Variants in EIF4G3 observed in about 807,000 individuals in gnomAD.
EIF4G3 encodes eukaryotic translation initiation factor 4 gamma 3, also known as eIF-4-gamma 3.
EIF4G3 carries 34 observed loss-of-function variants against 186.4 expected under a neutral mutation model. The observed-to-expected ratio is 0.18, with a 90% confidence interval of 0.14 to 0.24. EIF4G3 has a LOEUF of 0.24. Among genes scored for constraint, EIF4G3 ranks in the 10% least tolerant of loss-of-function variants. EIF4G3 has a pLI of 1.00. For synonymous variants in EIF4G3, 673 were observed against 679.5 expected (o/e 0.99, Z 0.15); for missense variants, 1,536 against 1,948.5 (o/e 0.79, Z 3.99).
rs71014156 is a variant in EIF4G3, at chr1:21,117,736, T to TAAAAAAAAAAAAAAAAAAAAAAAA, written c.-271-28547_-271-28524dup. 1.5e-3 allele frequency among the ~76,000 whole-genome samples: 109 copies of TAAAAAAAAAAAAAAAAAAAAAAAA among 73,060 alleles called. 1 individual carries two copies. Among genetic ancestry groups the TAAAAAAAAAAAAAAAAAAAAAAAA allele is most frequent in the East Asian group, 3.4e-3 (6 of 1,756 alleles). The allele number at this position is 73,060 out of a possible 152,430, so 47.9% of individuals were successfully genotyped here. A position where few individuals can be genotyped will look rare whatever the true frequency, so the allele number is the denominator to read the frequency against. On this transcript the variant is annotated intron_variant, in intron 2 of 36. Coordinates refer to ENST00000602326, the MANE Select transcript of EIF4G3 (RefSeq NM_001391906.1). ...GGCCTTTCACTGTCCCAGTATATAG[T>TAAAAAAAAAAAAAAAAAAAAAAAA]AAAAAAAAAAAAAAAAAAAAAAAAA...
chr1:20,872,229 C>T (rs181039802), intron 20 of EIF4G3, among the ~76,000 whole-genome samples: 6 of 151,936 alleles, frequency 3.9e-5, no homozygotes, highest in Admixed American at 3.9e-4. Flanking sequence ...CTCAAGTGAT[C>T]CTCTTGCCTC....
intron 10 of EIF4G3, among the ~76,000 whole-genome samples, chr1:20,979,774 T>G (rs1457667493): frequency 6.7e-6 from 1 of 149,982 alleles, no homozygotes; most frequent in Non-Finnish European, 1.5e-5. Flanking sequence ...TTTTTTGAGA[T>G]GGAGTCTCGC....
chr1:20,928,496 G>A (rs1465152315), intron 14 of EIF4G3, among the ~76,000 whole-genome samples: 2 of 151,254 alleles, frequency 1.3e-5, no homozygotes, highest in South Asian at 2.1e-4. Context: ...TCCGCCTTCC[G>A]AGTTCAAGAG....
chr1:20,846,001 C>T (rs2070862720), intron 29 of EIF4G3, among the ~76,000 whole-genome samples: 1 of 152,088 alleles, frequency 6.6e-6, no homozygotes, highest in African/African-American at 2.4e-5. Context: ...TGTAGTTCTC[C>T]TTGTAGTGAT....
In EIF4G3 at chr1:20,854,784, A is replaced by T. The variant is rs886388858; in HGVS notation, c.3433+194T>A. Among the ~76,000 whole-genome samples the T allele has an allele frequency of 5.2e-4, 79 of 152,210 alleles. 1 individual carries two copies. The highest frequency in any genetic ancestry group is 1.5e-3 in the African/African-American group (63 of 41,562). On this transcript the variant is annotated intron_variant, in intron 26 of 36. Transcript: ENST00000602326. Reference sequence around the variant, plus strand: ...TAGTCTAAATGAATGAATTGAAATTAAAAAAATACTTAAAATTATTTAAGG... The same window carrying T: ...TAGTCTAAATGAATGAATTGAAATTTAAAAAATACTTAAAATTATTTAAGG...
At chr1:21,020,523 G>C (rs1212168409) in intron 4 of EIF4G3, among the ~76,000 whole-genome samples, 1 of 151,996 alleles carries the variant, frequency 6.6e-6, no homozygotes, top group Non-Finnish European at 1.5e-5. Flanking sequence ...AATAAATAAA[G>C]AAGAATACCA....
chr1:21,099,520 C>T (rs2096467492), intron 2 of EIF4G3, among the ~76,000 whole-genome samples: 1 of 152,232 alleles, frequency 6.6e-6, no homozygotes. Context: ...ACTCACTGCA[C>T]TCCTGCCTGG....
chr1:20,814,441 A>T (rs553164705), intron 34 of EIF4G3, among the ~76,000 whole-genome samples: 1 of 152,300 alleles, frequency 6.6e-6, no homozygotes, highest in East Asian at 1.9e-4. Context: ...ATGTACTTGT[A>T]CATTTGGAAG....
At chr1:20,920,175 G>C (rs1403251408) in intron 14 of EIF4G3, among the ~76,000 whole-genome samples, 1 of 152,062 alleles carries the variant, frequency 6.6e-6, no homozygotes, top group Non-Finnish European at 1.5e-5. Flanking sequence ...CAAAGTGCTG[G>C]GATTACAGGC....
intron 2 of EIF4G3, among the ~76,000 whole-genome samples, chr1:21,132,034 G>A (rs1911257): frequency 0.94 from 143,536 of 152,154 alleles, 68,256 homozygotes; most frequent in Middle Eastern, 1. Flanking sequence ...AGAATTTTAT[G>A]TGAGGAAAAA....
At position 20,975,712 on chromosome 1, in the gene EIF4G3, T is replaced by C. The variant is rs186546517; in HGVS notation, c.494-2613A>G. Among the ~76,000 whole-genome samples the C allele has an allele frequency of 3.9e-3, 591 of 151,882 alleles. 2 individuals are homozygous for C. The highest frequency in any genetic ancestry group is 6.1e-3 in the Non-Finnish European group (416 of 67,932). ...CCACTAGAAATGAGTAATTTTTACA[T>C]ACCATTTATTAATTAGTTAAGTTAA... On this transcript the variant is annotated intron_variant, in intron 10 of 36. Coordinates refer to ENST00000602326, the MANE Select transcript of EIF4G3 (RefSeq NM_001391906.1).
At chr1:21,067,616 AAATGC>A (rs2154579592) in intron 3 of EIF4G3, among the ~76,000 whole-genome samples, 1 of 152,334 alleles carries the variant, frequency 6.6e-6, no homozygotes, top group African/African-American at 2.4e-5. Flanking sequence ...CCACATGTAT[AAATGC>A]TTTTTAAGAA....
chr1:21,064,374 C>T (rs1026295698), intron 3 of EIF4G3, among the ~76,000 whole-genome samples: 1 of 152,092 alleles, frequency 6.6e-6, no homozygotes, highest in Non-Finnish European at 1.5e-5. Flanking sequence ...AGACAAGTGG[C>T]CACTCAGATG....
At chr1:21,147,484 G>A (rs1293965128) in intron 2 of EIF4G3, among the ~76,000 whole-genome samples, 1 of 151,642 alleles carries the variant, frequency 6.6e-6, no homozygotes, top group Non-Finnish European at 1.5e-5. Context: ...GGGATTACAG[G>A]TTCCTGCCAC....
At chr1:20,827,773 T>A (rs2063995232) in intron 31 of EIF4G3, 75 bp from the exon 32 acceptor site, 1 of 1,025,266 alleles carries the variant, frequency 9.8e-7, no homozygotes, top group African/African-American at 1.6e-5. Flanking sequence ...AAACAATGTG[T>A]GACCAAAAAC....
chr1:20,848,835 T>C (rs1237472855), intron 29 of EIF4G3, among the ~76,000 whole-genome samples: 1 of 151,472 alleles, frequency 6.6e-6, no homozygotes, highest in Non-Finnish European at 1.5e-5. Context: ...TCATTTGAGG[T>C]CAGGAGTTCA....
At chr1:21,014,994 G>T (rs1368422481) in intron 4 of EIF4G3, among the ~76,000 whole-genome samples, 1 of 151,518 alleles carries the variant, frequency 6.6e-6, no homozygotes, top group Non-Finnish European at 1.5e-5. Context: ...AAAGGTGGTG[G>T]GGGGGAGGAG....
At chr1:20,962,924 T>G (rs903983915) in intron 12 of EIF4G3, among the ~76,000 whole-genome samples, 6 of 151,160 alleles carry the variant, frequency 4.0e-5, no homozygotes, top group African/African-American at 9.7e-5. Flanking sequence ...TTTTTGTTTT[T>G]TTTTTTTTTG....
chr1:20,980,504 ACAT>A, intron 9 of EIF4G3, 56 bp from the exon 10 acceptor site: 1 of 1,183,922 alleles, frequency 8.4e-7, no homozygotes, highest in Non-Finnish European at 1.2e-6. Context: ...GGGGCGAAAA[ACAT>A]AATAAAATAA....
Sources: allele counts gnomAD v4.1 joint callset (sites outside exome capture counted in the v4.1 genomes callset), GRCh38; gene constraint gnomAD v4.1.1; transcripts MANE v1.5; gene names NCBI Gene and HGNC (gene_info 2026-07-23, HGNC 2026-07-21).